The following PDS5B variants were observed in gnomAD, a reference collection of about 807,000 sequenced individuals.
PDS5B encodes the protein PDS5 cohesin associated factor B.
PDS5B carries 51 observed loss-of-function variants against 184.1 expected under a neutral mutation model. The ratio of observed to expected loss-of-function variants is 0.28; its 90% CI spans 0.22 to 0.35. The LOEUF is 0.35. PDS5B is among the 10% of genes least tolerant of loss of function. The pLI, the probability that PDS5B is intolerant of heterozygous loss-of-function variation, is 1.00. For synonymous variants in PDS5B, 566 were observed against 569.2 expected, an observed-to-expected ratio of 0.99 and a Z score of 0.08; for missense variants, 1,180 against 1,723.3, an observed-to-expected ratio of 0.68 and a Z score of 5.58.
intron 8 of PDS5B, among the ~76,000 whole-genome samples, chr13:32,673,644 C>T (rs936187176): frequency 2.0e-5 from 3 of 152,278 alleles, no homozygotes; most frequent in East Asian, 1.9e-4. Context: ...CTTAGCTGTA[C>T]ATCAAGCTTA....
At chr13:32,766,737 C>T (rs886333712) in intron 31 of PDS5B, among the ~76,000 whole-genome samples, 1 of 152,100 alleles carries the variant, frequency 6.6e-6, no homozygotes, top group East Asian at 1.9e-4. Context: ...TTTATACTCC[C>T]TCTGTTCTTA....
intron 6 of PDS5B, among the ~76,000 whole-genome samples, chr13:32,666,243 G>T (rs1238701651): frequency 6.6e-6 from 1 of 152,008 alleles, no homozygotes; most frequent in African/African-American, 2.4e-5. Flanking sequence ...ACCACGCCCG[G>T]CTGATTTTAT....
chr13:32,637,383 G>A (rs1593305402), intron 1 of PDS5B, among the ~76,000 whole-genome samples: 1 of 152,310 alleles, frequency 6.6e-6, no homozygotes, highest in East Asian at 1.9e-4. Flanking sequence ...AACACACACT[G>A]AAGAGGGAGA....
chr13:32,671,638 C>G (rs1257523161), intron 7 of PDS5B, among the ~76,000 whole-genome samples: 1 of 152,108 alleles, frequency 6.6e-6, no homozygotes, highest in Non-Finnish European at 1.5e-5. Flanking sequence ...AGAATTTGTT[C>G]TTCTTTCTTC....
At chr13:32,768,837 C>T (rs1474204800) in intron 31 of PDS5B, among the ~76,000 whole-genome samples, 1 of 124,270 alleles carries the variant, frequency 8.0e-6, no homozygotes, top group Non-Finnish European at 1.7e-5. Context: ...TGCAGTGGCT[C>T]ATGCCTGTAA....
rs540865231 is a variant in PDS5B at position 32,715,888 on chromosome 13, T to C, written c.2123+5782T>C. ...GTTGGCCGGGCTGGTCTCCAGCTCC[T>C]AACCGCGAGTGATCCGCCAGCCTCG... On this transcript the variant is annotated intron_variant, in intron 19 of 34. Coordinates refer to ENST00000315596, the MANE Select transcript of PDS5B (RefSeq NM_015032.4). Among the ~76,000 whole-genome samples, 7 of 152,390 alleles carry C rather than the reference T, an allele frequency of 4.6e-5. No individual in the cohort carries two copies. The East Asian group carries it at 7.7e-4, about 17-fold the overall frequency.
chr13:32,646,042 T>C (rs1950214235), intron 1 of PDS5B, among the ~76,000 whole-genome samples: 1 of 151,946 alleles, frequency 6.6e-6, no homozygotes. Context: ...GTCCACTCTG[T>C]CATTCAGGCT....
In PDS5B at chr13:32,764,555, G is replaced by T; in HGVS notation, c.3585G>T (p.Gly1195=). Reference sequence around the variant, plus strand: ...ACACAATGTCTTCACCTTTGCCGGGGAAAAAAAGTGACAAGAGAGACGACT... The same window carrying T: ...ACACAATGTCTTCACCTTTGCCGGGTAAAAAAAGTGACAAGAGAGACGACT... ...EDYTMSSPLP[G]KKSDKRDDSD... The change falls in exon 31 of 35, where the codon GGG becomes GGT. Residue 1195 remains glycine, a synonymous_variant. Transcript: ENST00000315596. The T allele has an allele frequency of 6.2e-7, 1 of 1,601,218 alleles. No individual in the cohort carries two copies. Among genetic ancestry groups the T allele is most frequent in the Non-Finnish European group, 8.5e-7 (1 of 1,173,014 alleles).
Position 32,770,690 on chromosome 13 carries a change from A to G in PDS5B, c.4101A>G (p.Thr1367=). The change falls in exon 33 of 35, where the codon ACA becomes ACG. Residue 1367 remains threonine, a synonymous_variant. Transcript: ENST00000315596. The part of the protein sequence containing the change: ...ESPESSAIES[T]QSTPQKGRGR... ...CTGAATCTAGTGCAATTGAATCCAC[A>G]CAGTCCACACCACAGAAAGGACGAG... 2.5e-6 allele frequency: 4 copies of G among 1,611,676 alleles called. No homozygotes were observed. Among genetic ancestry groups the G allele is most frequent in the Non-Finnish European group, 3.4e-6 (4 of 1,178,846 alleles).
intron 1 of PDS5B, among the ~76,000 whole-genome samples, chr13:32,646,892 A>C (rs1950242139): frequency 6.6e-6 from 1 of 152,098 alleles, no homozygotes. Flanking sequence ...ATTTGCAGTT[A>C]TATTCTTTCT....
chr13:32,648,459 G>A (rs1950281783), intron 1 of PDS5B, among the ~76,000 whole-genome samples: 1 of 151,980 alleles, frequency 6.6e-6, no homozygotes, highest in Non-Finnish European at 1.5e-5. Context: ...CTTTTAAAAA[G>A]TATTTATTTT....
At chr13:32,669,855 C>T (rs905823008) in intron 7 of PDS5B, among the ~76,000 whole-genome samples, 4 of 152,090 alleles carry the variant, frequency 2.6e-5, no homozygotes, top group Non-Finnish European at 4.4e-5. Flanking sequence ...TTTTTCCCTC[C>T]CTTTAGTTCC....
chr13:32,607,363 C>T (rs1652946713), intron 1 of PDS5B, among the ~76,000 whole-genome samples: 2 of 152,224 alleles, frequency 1.3e-5, no homozygotes, highest in South Asian at 2.1e-4. Context: ...CCAGTGGAGG[C>T]TGCAGAACAG....
intron 21 of PDS5B, 106 bp downstream of exon 21, chr13:32,735,436 C>T: frequency 1.4e-6 from 1 of 713,126 alleles, no homozygotes; most frequent in Non-Finnish European, 2.2e-6. Context: ...CATTTGACTG[C>T]CTTGATTTTA....
At chr13:32,611,055 T>C (rs2058133760) in intron 1 of PDS5B, among the ~76,000 whole-genome samples, 1 of 152,172 alleles carries the variant, frequency 6.6e-6, no homozygotes, top group African/African-American at 2.4e-5. Flanking sequence ...ATAATAATTA[T>C]GAATTTTACT....
At chr13:32,600,070 C>T (rs1324127290) in intron 1 of PDS5B, among the ~76,000 whole-genome samples, 1 of 152,084 alleles carries the variant, frequency 6.6e-6, no homozygotes, top group Non-Finnish European at 1.5e-5. Context: ...ATCTAATGTG[C>T]AGTGAAGCCT....
At position 32,775,078 on chromosome 13, in the gene PDS5B, G is replaced by A; in HGVS notation, c.*26G>A. ...ACAAATGTAATTAATAACTTTCTCT[G>A]TGAAAGCTTTGGAAAAATCTTTTTT... On this transcript the variant is annotated 3_prime_UTR_variant, in exon 35 of 35. Coordinates refer to ENST00000315596, the MANE Select transcript of PDS5B (RefSeq NM_015032.4). The A allele has an allele frequency of 8.5e-7, 1 of 1,170,758 alleles. No homozygotes were observed. The highest frequency in any genetic ancestry group is 1.2e-6 in the Non-Finnish European group (1 of 805,140). 72.5% of individuals were successfully genotyped at this position (1,170,758 alleles called of 1,614,324 possible). A position where few individuals can be genotyped will look rare whatever the true frequency, so the allele number is the denominator to read the frequency against.
chr13:32,772,098 G>T (rs1954808003), intron 33 of PDS5B, among the ~76,000 whole-genome samples: 1 of 152,012 alleles, frequency 6.6e-6, no homozygotes, highest in Non-Finnish European at 1.5e-5. Context: ...AATTGAAAAA[G>T]ATTGTCATTA....
At chr13:32,629,029 A>G (rs2058415301) in intron 1 of PDS5B, among the ~76,000 whole-genome samples, 1 of 152,220 alleles carries the variant, frequency 6.6e-6, no homozygotes, top group Non-Finnish European at 1.5e-5. Context: ...GAAAGGCTGT[A>G]ATAATTCACA....
Sources: gnomAD v4.1 joint callset for allele counts (sites outside exome capture counted in the v4.1 genomes callset) on GRCh38, gnomAD v4.1.1 for gene constraint, MANE v1.5 for transcripts, NCBI Gene and HGNC (gene_info 2026-07-23, HGNC 2026-07-21) for gene names.